ANO6: variants seen among roughly 807,000 people sequenced by gnomAD.
The protein encoded by ANO6 is anoctamin 6.
In ANO6, 106 loss-of-function variants were observed where a neutral mutation model predicts 117.5. The observed-to-expected ratio is 0.90, with a 90% CI of 0.77 to 1.06. The LOEUF (loss-of-function observed/expected upper bound fraction) is 1.06. Ranked by LOEUF, ANO6 falls within the 50% of genes least tolerant of loss-of-function variation. The probability of loss-of-function intolerance (pLI) is 0.00; values close to 1 mark genes in which losing one functional copy is unlikely to be tolerated. For missense variants in ANO6, 955 were observed against 1,121.1 expected, an observed-to-expected ratio of 0.85 and a Z score of 2.12; for synonymous variants, 367 against 385.1, an observed-to-expected ratio of 0.95 and a Z score of 0.55.
chr12:45,426,149 T>C (rs1329914545), intron 19 of ANO6, among the ~76,000 whole-genome samples: 4 of 152,176 alleles, frequency 2.6e-5, no homozygotes, highest in Non-Finnish European at 5.9e-5. Flanking sequence ...CGCAAAATTT[T>C]TAAAAATGTA....
chr12:45,290,843 G>A (rs1005451328), intron 1 of ANO6, among the ~76,000 whole-genome samples: 2 of 152,134 alleles, frequency 1.3e-5, no homozygotes, highest in African/African-American at 4.8e-5. Context: ...AAACAATTCT[G>A]AAAAAGAATA....
intron 1 of ANO6, among the ~76,000 whole-genome samples, chr12:45,287,352 T>C (rs1938951145): frequency 6.6e-6 from 1 of 152,218 alleles, no homozygotes; most frequent in Non-Finnish European, 1.5e-5. Flanking sequence ...CTGTGTGATC[T>C]TATGCAAAAT....
At position 45,331,312 on chromosome 12, in the gene ANO6, A is replaced by G. The variant is rs748004511; in HGVS notation, c.168A>G (p.Lys56=). 1.2e-6 allele frequency: 2 copies of G among 1,609,336 alleles called. No homozygotes were observed. The highest frequency in any genetic ancestry group is 1.7e-6 in the Non-Finnish European group (2 of 1,177,598). Residue 56 remains lysine, a synonymous_variant, in exon 3 of 20, where the codon AAA becomes AAG. Transcript: ENST00000320560. ...TTACACAGGAAGAATTTAATGGAAA[A>G]CCTGACTCCCTCTTTTTTAATGATG... ...RTPEFEEFNG[K]PDSLFFNDGQ...
At chr12:45,311,510 G>C (rs1220956243) in intron 2 of ANO6, among the ~76,000 whole-genome samples, 1 of 152,072 alleles carries the variant, frequency 6.6e-6, no homozygotes, top group Non-Finnish European at 1.5e-5. Flanking sequence ...AGCATATTGA[G>C]AGGGAATGAT....
At chr12:45,391,987 C>T (rs1378375844) in intron 12 of ANO6, among the ~76,000 whole-genome samples, 1 of 152,236 alleles carries the variant, frequency 6.6e-6, no homozygotes, top group Non-Finnish European at 1.5e-5. Flanking sequence ...TGGTTCATCT[C>T]ATTGGGATTG....
chr12:45,221,059 T>TGGG (rs35401353), intron 1 of ANO6, among the ~76,000 whole-genome samples: 1,961 of 149,212 alleles, frequency 0.013, 31 homozygotes, highest in African/African-American at 0.046. Flanking sequence ...GTGTCGGAAG[T>TGGG]GGGGGGGGGC....
At chr12:45,255,686 T>G (rs1488174889) in intron 1 of ANO6, among the ~76,000 whole-genome samples, 6 of 152,134 alleles carry the variant, frequency 3.9e-5, no homozygotes, top group African/African-American at 1.4e-4. Context: ...TGTAATAGAA[T>G]TAATGCAACA....
At chr12:45,238,908 A>G (rs1246323831) in intron 1 of ANO6, among the ~76,000 whole-genome samples, 2 of 152,180 alleles carry the variant, frequency 1.3e-5, no homozygotes, top group African/African-American at 4.8e-5. Flanking sequence ...ATCATGTTGG[A>G]TAAGCTTTTT....
At chr12:45,345,255 T>G (rs1280032836) in intron 3 of ANO6, among the ~76,000 whole-genome samples, 2 of 152,228 alleles carry the variant, frequency 1.3e-5, no homozygotes, top group Non-Finnish European at 2.9e-5. Flanking sequence ...GGGATTCCAC[T>G]TGGACTCAAA....
intron 1 of ANO6, among the ~76,000 whole-genome samples, chr12:45,233,300 C>T (rs555650059): frequency 1.3e-5 from 2 of 152,084 alleles, no homozygotes; most frequent in Non-Finnish European, 2.9e-5. Flanking sequence ...GCCAAAGCAC[C>T]CTAGTAATAG....
chr12:45,370,512 G>A (rs1941797173), intron 9 of ANO6, among the ~76,000 whole-genome samples: 2 of 152,170 alleles, frequency 1.3e-5, no homozygotes, highest in South Asian at 2.1e-4. Context: ...TGGAGTAGGT[G>A]GGCAGAAGTG....
chr12:45,438,676 A>ATT (rs1943735835), intron 19 of ANO6, among the ~76,000 whole-genome samples: 1 of 152,188 alleles, frequency 6.6e-6, no homozygotes, highest in African/African-American at 2.4e-5. Flanking sequence ...ATTCAAAAAA[A>ATT]TCTGTAATTT....
At chr12:45,417,270 G>C (rs998401136) in intron 17 of ANO6, among the ~76,000 whole-genome samples, 5 of 152,072 alleles carry the variant, frequency 3.3e-5, no homozygotes, top group Non-Finnish European at 7.4e-5. Context: ...TTTAGAGTTT[G>C]AGGGCCCTAA....
chr12:45,346,374 A>C (rs1172511518), intron 3 of ANO6, among the ~76,000 whole-genome samples: 3 of 152,328 alleles, frequency 2.0e-5, no homozygotes, highest in African/African-American at 7.2e-5. Flanking sequence ...TAATATCCAT[A>C]AGTGTAGTAT....
intron 1 of ANO6, among the ~76,000 whole-genome samples, chr12:45,226,713 A>G (rs1273921951): frequency 6.6e-6 from 1 of 152,136 alleles, no homozygotes; most frequent in African/African-American, 2.4e-5. Flanking sequence ...GGTGTCACAT[A>G]GTCACAGTCT....
intron 2 of ANO6, among the ~76,000 whole-genome samples, chr12:45,324,670 A>G (rs1180883923): frequency 6.6e-6 from 1 of 152,208 alleles, no homozygotes; most frequent in Non-Finnish European, 1.5e-5. Context: ...GTACCAGGAA[A>G]AACCCTTAGA....
chr12:45,274,505 G>A (rs77485335), intron 1 of ANO6, among the ~76,000 whole-genome samples: 2,637 of 151,926 alleles, frequency 0.017, 55 homozygotes, highest in East Asian at 0.084. Flanking sequence ...CACCTAAATC[G>A]GAGCCCAGGC....
At chr12:45,349,785 T>C (rs1392109229) in intron 6 of ANO6, among the ~76,000 whole-genome samples, 1 of 152,204 alleles carries the variant, frequency 6.6e-6, no homozygotes, top group Non-Finnish European at 1.5e-5. Context: ...TGAGAGTCCA[T>C]GTGTTTTACT....
At chr12:45,257,324 A>C (rs1260677788) in intron 1 of ANO6, among the ~76,000 whole-genome samples, 1 of 152,064 alleles carries the variant, frequency 6.6e-6, no homozygotes, top group East Asian at 1.9e-4. Flanking sequence ...TGCCCAGCCT[A>C]ATCTCCTTGC....
Sources: allele counts gnomAD v4.1 joint callset (sites outside exome capture counted in the v4.1 genomes callset), GRCh38; gene constraint gnomAD v4.1.1; transcripts MANE v1.5; gene names NCBI Gene and HGNC (gene_info 2026-07-23, HGNC 2026-07-21).